RBFOX3: variants seen among roughly 807,000 people sequenced by gnomAD.
RBFOX3 encodes the protein RNA binding protein fox-1 homolog 3.
In RBFOX3, 17 loss-of-function variants were observed where a neutral mutation model predicts 48.7. The observed-to-expected ratio is 0.35, with a 90% CI of 0.24 to 0.52. The LOEUF (loss-of-function observed/expected upper bound fraction) is 0.52. RBFOX3 is among the 20% of genes least tolerant of loss of function. The pLI is 0.94. For synonymous variants in RBFOX3, 212 were observed against 209.5 expected, an observed-to-expected ratio of 1.01 and a Z score of -0.10; for missense variants, 382 against 497.5, an observed-to-expected ratio of 0.77 and a Z score of 2.21.
rs1208521019 is a variant in RBFOX3 at position 79,477,941 on chromosome 17, G to T, written c.-175+4513C>A. Among the ~76,000 whole-genome samples the T allele has an allele frequency of 6.6e-6, 1 of 152,162 alleles. No individual in the cohort carries two copies. Among genetic ancestry groups the T allele is most frequent in the African/African-American group, 2.4e-5 (1 of 41,448 alleles). The stretch of plus-strand genomic sequence containing the variant: ...AACGTCCTTCAGCTGGGCACCGCCT[G>T]TTCCACCCAGGAGCACCTAGGACGA... On this transcript the variant is annotated intron_variant, in intron 2 of 14. Coordinates refer to ENST00000693108, the MANE Select transcript of RBFOX3 (RefSeq NM_001350451.2). This position sits in a 1 kb window ranked among gnomAD's most constrained non-coding sequence, Gnocchi z 4.8.
rs185441696 is a variant in RBFOX3, at chr17:79,378,047, T to C, written c.-174-70223A>G. Among the ~76,000 whole-genome samples, 256 of 152,314 alleles carry C rather than the reference T, an allele frequency of 1.7e-3. 2 individuals carry two copies. The highest frequency in any genetic ancestry group is 2.7e-3 in the Admixed American group (42 of 15,302). On this transcript the variant is annotated intron_variant, in intron 2 of 14. Transcript: ENST00000693108. ...GCAGTCACAAACTATAATATTTCTTTATGGAGGAAGCGGATTGTGAAGGCA... is the reference window on the plus strand; with the variant it reads ...GCAGTCACAAACTATAATATTTCTTCATGGAGGAAGCGGATTGTGAAGGCA...
In RBFOX3 at chr17:79,318,854, CAAAAAAA is replaced by C. The variant is rs71161660; in HGVS notation, c.-174-11037_-174-11031del. 6.8e-4 allele frequency among the ~76,000 whole-genome samples: 22 copies of C among 32,522 alleles called. No individual in the cohort carries two copies. The South Asian group carries it at 7.1e-3, about 11-fold the overall frequency. 21.3% of individuals were successfully genotyped at this position (32,522 alleles called of 152,430 possible). On this transcript the variant is annotated intron_variant, in intron 2 of 14. Coordinates refer to ENST00000693108, the MANE Select transcript of RBFOX3 (RefSeq NM_001350451.2). ...TGGGTGACAGAGCGAGACTCCATCT[CAAAAAAA>C]AAAAAAAAAAAAAAAAAAAGGGATG... is the stretch of plus-strand genomic sequence containing the variant.
chr17:79,454,260 G>T (rs770048411), intron 2 of RBFOX3, among the ~76,000 whole-genome samples: 1 of 152,192 alleles, frequency 6.6e-6, no homozygotes, highest in East Asian at 1.9e-4. Context: ...GGCTCCCAGG[G>T]CCCTCCCTTG....
At chr17:79,593,855 G>A (rs1034633131) in intron 1 of RBFOX3, among the ~76,000 whole-genome samples, 16 of 152,174 alleles carry the variant, frequency 1.1e-4, no homozygotes, top group Non-Finnish European at 2.2e-4. Context: ...AGGAAATTGA[G>A]AGAGTATGGC....
intron 2 of RBFOX3, among the ~76,000 whole-genome samples, chr17:79,331,431 G>A (rs1331641210): frequency 1.3e-5 from 2 of 152,140 alleles, no homozygotes; most frequent in Non-Finnish European, 2.9e-5. Context: ...CACTGTCAGG[G>A]TGGGTGTCAA....
At chr17:79,438,895 G>A (rs1160676866) in intron 2 of RBFOX3, among the ~76,000 whole-genome samples, 1 of 152,262 alleles carries the variant, frequency 6.6e-6, no homozygotes, top group Non-Finnish European at 1.5e-5. Flanking sequence ...AGTTCTGGGT[G>A]TGAAATCCCC....
At chr17:79,526,081 G>A (rs2086755415) in intron 1 of RBFOX3, among the ~76,000 whole-genome samples, 2 of 152,222 alleles carry the variant, frequency 1.3e-5, no homozygotes, top group Non-Finnish European at 2.9e-5. Context: ...ACTGAGCCAG[G>A]AAAGGAAGTC....
At chr17:79,561,861 G>A (rs1366134830) in intron 1 of RBFOX3, among the ~76,000 whole-genome samples, 2 of 152,172 alleles carry the variant, frequency 1.3e-5, no homozygotes, top group South Asian at 2.1e-4. Context: ...GGGCAGGAAC[G>A]CCCAGCAAAG....
At chr17:79,292,274 C>T (rs1034611469) in intron 3 of RBFOX3, among the ~76,000 whole-genome samples, 8 of 152,008 alleles carry the variant, frequency 5.3e-5, no homozygotes, top group African/African-American at 1.7e-4. Context: ...CAGAGAAAAT[C>T]CCACTCGTGT....
chr17:79,108,262 T>A (rs1016826570), intron 5 of RBFOX3, among the ~76,000 whole-genome samples: 6 of 152,142 alleles, frequency 3.9e-5, no homozygotes, highest in Non-Finnish European at 8.8e-5. Flanking sequence ...GAGACTGGGG[T>A]CCCTTAGAGG....
At chr17:79,437,164 G>A (rs1202572029) in intron 2 of RBFOX3, among the ~76,000 whole-genome samples, 1 of 152,054 alleles carries the variant, frequency 6.6e-6, no homozygotes, top group Non-Finnish European at 1.5e-5. Flanking sequence ...TGACCTCATC[G>A]CCAGGCCTGA....
rs138984353 is a variant in RBFOX3, at chr17:79,477,257, T to TAAA, written c.-175+5194_-175+5196dup. Among the ~76,000 whole-genome samples, 6 of 113,338 alleles carry TAAA rather than the reference T, an allele frequency of 5.3e-5. No individual in the cohort carries two copies. Among genetic ancestry groups the TAAA allele is most frequent in the African/African-American group, 7.0e-5 (2 of 28,556 alleles). The allele number at this position is 113,338 out of a possible 152,430, so 74.4% of individuals were successfully genotyped here. A position where few individuals can be genotyped will look rare whatever the true frequency, so the allele number is the denominator to read the frequency against. Reference sequence around the variant, plus strand: ...CAAAAAAAAATAAATAAAGATAAATTAAAAAAAAAAAAAAAAAAAGAGGGC... The same window carrying TAAA: ...CAAAAAAAAATAAATAAAGATAAATTAAAAAAAAAAAAAAAAAAAAAAGAGGGC... On this transcript the variant is annotated intron_variant, in intron 2 of 14. Transcript: ENST00000693108. This position sits in a 1 kb window ranked among gnomAD's most constrained non-coding sequence, Gnocchi z 4.8.
chr17:79,488,543 GAA>G (rs1470990360), intron 1 of RBFOX3, among the ~76,000 whole-genome samples: 1 of 152,202 alleles, frequency 6.6e-6, no homozygotes, highest in Non-Finnish European at 1.5e-5. Context: ...CATGGCAAGG[GAA>G]AAGCTTGGAG....
At chr17:79,365,197 C>T (rs2057558717) in intron 2 of RBFOX3, among the ~76,000 whole-genome samples, 1 of 152,182 alleles carries the variant, frequency 6.6e-6, no homozygotes, top group Admixed American at 6.5e-5. Flanking sequence ...TAACTCCTTG[C>T]TCTTTTCAAC....
chr17:79,169,037 T>C (rs2048602879), intron 4 of RBFOX3, among the ~76,000 whole-genome samples: 1 of 152,116 alleles, frequency 6.6e-6, no homozygotes, highest in African/African-American at 2.4e-5. Flanking sequence ...ACACTGCCGC[T>C]GAGTGGAGGA....
chr17:79,330,731 G>A (rs4789887), intron 2 of RBFOX3, among the ~76,000 whole-genome samples: 1 of 151,970 alleles, frequency 6.6e-6, no homozygotes, highest in Non-Finnish European at 1.5e-5. Flanking sequence ...GCTGTGCCTG[G>A]GGGGTCTTCT....
intron 3 of RBFOX3, among the ~76,000 whole-genome samples, chr17:79,245,161 C>T (rs1263717706): frequency 2.0e-5 from 3 of 151,922 alleles, no homozygotes; most frequent in Non-Finnish European, 4.4e-5. Context: ...CAAACTCCGC[C>T]TCTCAGGCTC....
At chr17:79,654,592 C>A in the RBFOX3 span, among the ~76,000 whole-genome samples, 2 of 152,168 alleles carry the variant, frequency 1.3e-5, no homozygotes, top group African/African-American at 4.8e-5. Context: ...ACAAGCCCCT[C>A]GGTGTAAGGG....
At chr17:79,586,449 G>A (rs1396592273) in intron 1 of RBFOX3, among the ~76,000 whole-genome samples, 14 of 152,352 alleles carry the variant, frequency 9.2e-5, no homozygotes, top group African/African-American at 3.1e-4. Context: ...CTGGACTCAT[G>A]AGCAAGAACA....
Sources: allele counts gnomAD v4.1 joint callset (sites outside exome capture counted in the v4.1 genomes callset), GRCh38; gene constraint gnomAD v4.1.1; non-coding constraint Gnocchi (gnomAD v3.1); transcripts MANE v1.5; gene names NCBI Gene and HGNC (gene_info 2026-07-23, HGNC 2026-07-21).